Variants in ACADM observed in about 807,000 individuals in gnomAD.
ACADM encodes medium-chain specific acyl-CoA dehydrogenase, mitochondrial.
In ACADM, 49 loss-of-function variants were observed where a neutral mutation model predicts 58.9. The observed-to-expected ratio is 0.83, with a 90% CI of 0.66 to 1.06. The LOEUF (loss-of-function observed/expected upper bound fraction) is 1.06, where lower values mean the gene tolerates loss of function less well. ACADM is among the 50% of genes least tolerant of loss of function. The pLI, the probability that ACADM is intolerant of heterozygous loss-of-function variation, is 0.00. For missense variants in ACADM, 496 were observed against 507.0 expected (o/e 0.98, Z 0.21); for synonymous variants, 160 against 157.7 (o/e 1.01, Z -0.11).
intron 2 of ACADM, among the ~76,000 whole-genome samples, chr1:75,730,445 GATTAA>G (rs1019557121): frequency 1.4e-4 from 22 of 152,058 alleles, no homozygotes; most frequent in African/African-American, 4.8e-4. Flanking sequence ...TTTCTATGAA[GATTAA>G]ATTATATGCT....
At chr1:75,737,321 T>TATAC (rs1647323493) in intron 6 of ACADM, among the ~76,000 whole-genome samples, 1 of 115,756 alleles carries the variant, frequency 8.6e-6, no homozygotes, top group Non-Finnish European at 1.8e-5. Flanking sequence ...TATATATATA[T>TATAC]ATATATGAAA....
chr1:75,725,927 T>A (rs901983186), intron 1 of ACADM, among the ~76,000 whole-genome samples: 6 of 152,240 alleles, frequency 3.9e-5, no homozygotes, highest in African/African-American at 1.2e-4. Context: ...TCAGCAATTA[T>A]AACTCCAGAT....
intron 5 of ACADM, among the ~76,000 whole-genome samples, chr1:75,734,347 T>G (rs1331573661): frequency 6.7e-6 from 1 of 149,462 alleles, no homozygotes; most frequent in Non-Finnish European, 1.5e-5. Context: ...TTTTTTTTTT[T>G]TGTATTTTTA....
intron 10 of ACADM, among the ~76,000 whole-genome samples, chr1:75,758,612 C>A (rs1366574274): frequency 7.0e-6 from 1 of 143,128 alleles, no homozygotes; most frequent in African/African-American, 2.4e-5. Flanking sequence ...TGTAAAAATG[C>A]ACTAATCAGC....
At chr1:75,745,103 CTTA>C (rs1647822517) in intron 7 of ACADM, among the ~76,000 whole-genome samples, 1 of 152,112 alleles carries the variant, frequency 6.6e-6, no homozygotes, top group Non-Finnish European at 1.5e-5. Context: ...CACATATATA[CTTA>C]TTATAAAGTT....
Position 75,738,095 on chromosome 1 carries a change from T to G in ACADM, c.469-1885T>G, listed in dbSNP as rs575895672. Among the ~76,000 whole-genome samples, 311 of 152,020 alleles carry G rather than the reference T, an allele frequency of 2.0e-3. 2 individuals carry two copies. The highest frequency in any genetic ancestry group is 7.0e-3 in the African/African-American group (290 of 41,452). ...CCACGCCTGCCTAATTTTTTGTATG[T>G]TTAGTAGAGACAAGATTTCACTGTG... is the stretch of plus-strand genomic sequence containing the variant. On this transcript the variant is annotated intron_variant, in intron 6 of 11. Transcript: ENST00000370841.
chr1:75,733,046 C>G (rs1647175548), intron 4 of ACADM, 124 bp downstream of exon 4: 1 of 1,613,228 alleles, frequency 6.2e-7, no homozygotes, highest in Non-Finnish European at 8.5e-7. Flanking sequence ...TGTCTTCCTG[C>G]TCAGACTACA....
intron 8 of ACADM, among the ~76,000 whole-genome samples, chr1:75,747,947 C>T (rs532025965): frequency 6.6e-6 from 1 of 152,220 alleles, no homozygotes; most frequent in East Asian, 1.9e-4. Flanking sequence ...CTTTTAAAGA[C>T]AAAATAAAGG....
intron 1 of ACADM, among the ~76,000 whole-genome samples, chr1:75,725,921 C>T (rs1241321825): frequency 2.0e-5 from 3 of 152,200 alleles, no homozygotes; most frequent in African/African-American, 4.8e-5. Flanking sequence ...TCACATTCAG[C>T]AATTATAACT....
intron 10 of ACADM, among the ~76,000 whole-genome samples, chr1:75,759,543 C>T (rs1003384185): frequency 1.1e-4 from 16 of 151,480 alleles, no homozygotes; most frequent in African/African-American, 3.9e-4. Flanking sequence ...TGTTTTATGT[C>T]TTCTATTTAA....
chr1:75,750,698 C>A, intron 10 of ACADM, 152 bp downstream of exon 10: 1 of 690,486 alleles, frequency 1.4e-6, no homozygotes, highest in Non-Finnish European at 2.6e-6. Flanking sequence ...AAAGACATTT[C>A]TTTTTAGAGT....
intron 7 of ACADM, among the ~76,000 whole-genome samples, chr1:75,741,776 T>G (rs1647579311): frequency 6.6e-6 from 1 of 152,206 alleles, no homozygotes; most frequent in Non-Finnish European, 1.5e-5. Context: ...GTTTGTGTTG[T>G]TTAGGGAAGA....
intron 10 of ACADM, 106 bp from the exon 11 acceptor site, chr1:75,761,016 G>A (rs751606158): frequency 6.1e-6 from 7 of 1,155,228 alleles, no homozygotes; most frequent in Non-Finnish European, 8.6e-6. Context: ...AGACCAGCCT[G>A]GGCAACATAG....
At chr1:75,748,876 C>T (rs990071470) in intron 8 of ACADM, among the ~76,000 whole-genome samples, 3 of 144,038 alleles carry the variant, frequency 2.1e-5, no homozygotes, top group Non-Finnish European at 4.5e-5. Context: ...TAAATTATAC[C>T]TCAGTAAACC....
At chr1:75,735,319 CAAAAAA>C (rs33952162) in intron 6 of ACADM, among the ~76,000 whole-genome samples, 2 of 101,834 alleles carry the variant, frequency 2.0e-5, no homozygotes, top group Admixed American at 1.1e-4. Flanking sequence ...GACCCTGTCT[CAAAAAA>C]AAAAAAAAAA....
intron 6 of ACADM, among the ~76,000 whole-genome samples, chr1:75,738,768 G>C (rs1647409927): frequency 6.6e-6 from 1 of 151,736 alleles, no homozygotes; most frequent in Admixed American, 6.6e-5. Context: ...TCTTTGGACT[G>C]TAAGTACCTT....
In ACADM at chr1:75,762,317, T is replaced by C. The variant is rs555736177; in HGVS notation, c.1195-375T>C. Among the ~76,000 whole-genome samples the C allele has an allele frequency of 4.0e-5, 6 of 151,332 alleles. No homozygotes were observed. The South Asian group carries it at 1.0e-3, about 26-fold the overall frequency. On this transcript the variant is annotated intron_variant, in intron 11 of 11. Coordinates refer to ENST00000370841, the MANE Select transcript of ACADM (RefSeq NM_000016.6). Reference sequence around the variant, plus strand: ...TGGGAGAAAAAAAAAAAATTAAGGGTAAGAATAAAAGACTGAAGGAGACAG... The same window carrying C: ...TGGGAGAAAAAAAAAAAATTAAGGGCAAGAATAAAAGACTGAAGGAGACAG...
chr1:75,731,125 A>G (rs1365767982), intron 2 of ACADM, among the ~76,000 whole-genome samples: 1 of 151,808 alleles, frequency 6.6e-6, no homozygotes, highest in Non-Finnish European at 1.5e-5. Context: ...ATACAAAAAA[A>G]AAAATTAGCC....
chr1:75,726,366 C>CAA (rs3831899), intron 1 of ACADM, among the ~76,000 whole-genome samples: 34,554 of 143,072 alleles, frequency 0.24, 4,561 homozygotes, highest in Non-Finnish European at 0.3. Context: ...GAGACTCTGT[C>CAA]AAAAAAAAAA....
Sources: gnomAD v4.1 joint callset for allele counts (sites outside exome capture counted in the v4.1 genomes callset) on GRCh38, gnomAD v4.1.1 for gene constraint, MANE v1.5 for transcripts, NCBI Gene and HGNC (gene_info 2026-07-23, HGNC 2026-07-21) for gene names.